Variants in KIRREL3 observed in about 807,000 individuals in gnomAD.
KIRREL3 encodes the protein kirre like nephrin family adhesion molecule 3, also known as kin of IRRE-like protein 3.
In KIRREL3, 36 loss-of-function variants were observed where a neutral mutation model predicts 89.7. The ratio of observed to expected loss-of-function variants is 0.40; its 90% CI spans 0.31 to 0.53. KIRREL3 has a LOEUF of 0.53. Ranked by LOEUF, KIRREL3 falls within the 20% of genes least tolerant of loss-of-function variation. The probability of loss-of-function intolerance (pLI) is 0.49; values close to 1 mark genes in which losing one functional copy is unlikely to be tolerated. For synonymous variants in KIRREL3, 445 were observed against 441.4 expected, an observed-to-expected ratio of 1.01 and a Z score of -0.10; for missense variants, 864 against 1,056.6, an observed-to-expected ratio of 0.82 and a Z score of 2.53.
At position 126,991,576 on chromosome 11, in the gene KIRREL3, C is replaced by T. The variant is rs1591437540; in HGVS notation, c.55+8879G>A. Among the ~76,000 whole-genome samples the T allele has an allele frequency of 6.6e-6, 1 of 152,202 alleles. No individual in the cohort carries two copies. The highest frequency in any genetic ancestry group is 2.1e-4 in the South Asian group (1 of 4,810). ...GCCCCAAAGCCTGGCCTGTTATTTC[C>T]TCTGGAAACTTTGTACCCCGAGGTA... On this transcript the variant is annotated intron_variant, in intron 1 of 16. Transcript: ENST00000525144. This position sits in a 1 kb window ranked among gnomAD's most constrained non-coding sequence, Gnocchi z 5.8.
chr11:126,979,085 A>C (rs1049607479), intron 1 of KIRREL3, among the ~76,000 whole-genome samples: 3 of 152,230 alleles, frequency 2.0e-5, no homozygotes, highest in African/African-American at 4.8e-5. Flanking sequence ...TTAAGGACAT[A>C]GAGTCCGAAT....
intron 1 of KIRREL3, among the ~76,000 whole-genome samples, chr11:126,971,713 C>G (rs1251824671): frequency 6.6e-6 from 1 of 152,152 alleles, no homozygotes; most frequent in African/African-American, 2.4e-5. Context: ...CCCAAATTAG[C>G]AAAGGGCATC....
chr11:126,789,395 T>A (rs1340658309), intron 1 of KIRREL3, among the ~76,000 whole-genome samples: 9 of 152,146 alleles, frequency 5.9e-5, no homozygotes, highest in Non-Finnish European at 1.3e-4. Context: ...CAAACCCATA[T>A]TCAATTATCC....
rs1052885368 is a variant in KIRREL3, at chr11:126,668,864, G to C, written c.56-105952C>G. ...CCCCTGGCTCTGAGTGTGCTGCTAA[G>C]AATCTATTCCTATAGGCGTTTGGTC... On this transcript the variant is annotated intron_variant, in intron 1 of 16. Coordinates refer to ENST00000525144, the MANE Select transcript of KIRREL3 (RefSeq NM_032531.4). The surrounding 1 kb of genome is among the most constrained non-coding windows in gnomAD (Gnocchi z 4.4). Among the ~76,000 whole-genome samples the C allele has an allele frequency of 6.6e-6, 1 of 151,884 alleles. No homozygotes were observed. Among genetic ancestry groups the C allele is most frequent in the East Asian group, 1.9e-4 (1 of 5,170 alleles).
chr11:126,894,376 CA>C (rs1457525943), intron 1 of KIRREL3, among the ~76,000 whole-genome samples: 1 of 151,494 alleles, frequency 6.6e-6, no homozygotes, highest in East Asian at 1.9e-4. Context: ...CTGGGGAGTC[CA>C]CAGTAGGCAG....
Position 126,530,716 on chromosome 11 carries a change from C to A in KIRREL3, c.134-4029G>T, listed in dbSNP as rs145715191. ...CTCAGTGGAGATGTGACACACCCAG[C>A]ACCTTCCACCGGCCCAGGGTTTCCA... On this transcript the variant is annotated intron_variant, in intron 2 of 16. Coordinates refer to ENST00000525144, the MANE Select transcript of KIRREL3 (RefSeq NM_032531.4). This position sits in a 1 kb window ranked among gnomAD's most constrained non-coding sequence, Gnocchi z 5.8. 1.1e-3 allele frequency among the ~76,000 whole-genome samples: 166 copies of A among 152,364 alleles called. No individual in the cohort carries two copies. Among genetic ancestry groups the A allele is most frequent in the Middle Eastern group, 3.4e-3 (1 of 294 alleles).
intron 1 of KIRREL3, among the ~76,000 whole-genome samples, chr11:126,588,477 C>T (rs1004736742): frequency 1.3e-5 from 2 of 152,088 alleles, no homozygotes; most frequent in Non-Finnish European, 2.9e-5. Context: ...GGGATAGCGA[C>T]CTGGAGGGGT....
Position 126,620,555 on chromosome 11 carries a change from A to G in KIRREL3, c.56-57643T>C, listed in dbSNP as rs902920098. On this transcript the variant is annotated intron_variant, in intron 1 of 16. Transcript: ENST00000525144. The surrounding 1 kb of genome is among the most constrained non-coding windows in gnomAD (Gnocchi z 4.8). ...GCATGTGTGTTGTGTATGCATTTCTAGGAGGAGAGTCCATAGCTCTCATTA... is the reference window on the plus strand; with the variant it reads ...GCATGTGTGTTGTGTATGCATTTCTGGGAGGAGAGTCCATAGCTCTCATTA... Among the ~76,000 whole-genome samples, 3 of 152,188 alleles carry G rather than the reference A, an allele frequency of 2.0e-5. No individual in the cohort carries two copies. The highest frequency in any genetic ancestry group is 4.8e-5 in the African/African-American group (2 of 41,446).
intron 10 of KIRREL3, among the ~76,000 whole-genome samples, chr11:126,442,342 A>G (rs1191938052): frequency 1.4e-5 from 2 of 140,412 alleles, no homozygotes; most frequent in Non-Finnish European, 3.1e-5. Context: ...ACACACACAC[A>G]CACACACACA....
At chr11:126,497,290 G>A (rs950508262) in intron 4 of KIRREL3, among the ~76,000 whole-genome samples, 7 of 151,046 alleles carry the variant, frequency 4.6e-5, no homozygotes, top group Non-Finnish European at 1.0e-4. Flanking sequence ...GTGTGTGTGT[G>A]AGAGAGAGAG....
rs1338586930 is a variant in KIRREL3 at position 126,740,754 on chromosome 11, A to G, written c.56-177842T>C. ...AAAATGGCCTGAAAGATAAATTTGT[A>G]TTTTTGCATTGCTGGGCTAAAATAT... On this transcript the variant is annotated intron_variant, in intron 1 of 16. Coordinates refer to ENST00000525144, the MANE Select transcript of KIRREL3 (RefSeq NM_032531.4). This position sits in a 1 kb window ranked among gnomAD's most constrained non-coding sequence, Gnocchi z 6.0. 6.6e-6 allele frequency among the ~76,000 whole-genome samples: 1 copy of G among 152,114 alleles called. No individual in the cohort carries two copies. Among genetic ancestry groups the G allele is most frequent in the Non-Finnish European group, 1.5e-5 (1 of 68,006 alleles).
chr11:126,890,804 G>A lies in KIRREL3; in HGVS notation c.55+109651C>T, dbSNP rs1321488767. ...CCACAGCGGCCTGCCTGTGCCCAGC[G>A]CTGCCCCAGCATCCTCCCAACCACT... On this transcript the variant is annotated intron_variant, in intron 1 of 16. Coordinates refer to ENST00000525144, the MANE Select transcript of KIRREL3 (RefSeq NM_032531.4). The surrounding 1 kb of genome is among the most constrained non-coding windows in gnomAD (Gnocchi z 5.1). 1.3e-5 allele frequency among the ~76,000 whole-genome samples: 2 copies of A among 152,184 alleles called. No homozygotes were observed. Among genetic ancestry groups the A allele is most frequent in the Non-Finnish European group, 2.9e-5 (2 of 68,034 alleles).
chr11:126,837,668 C>T lies in KIRREL3; in HGVS notation c.55+162787G>A, dbSNP rs1943826685. 6.6e-6 allele frequency among the ~76,000 whole-genome samples: 1 copy of T among 152,180 alleles called. No homozygotes were observed. The highest frequency in any genetic ancestry group is 1.5e-5 in the Non-Finnish European group (1 of 68,024). ...TCCTCTGAACTGAAGCATAGGTAGG[C>T]TAACTAAAAGTAATTTTACAAAAGA... On this transcript the variant is annotated intron_variant, in intron 1 of 16. Transcript: ENST00000525144. This position sits in a 1 kb window ranked among gnomAD's most constrained non-coding sequence, Gnocchi z 4.7.
At position 126,724,077 on chromosome 11, in the gene KIRREL3, C is replaced by G. The variant is rs1231801256; in HGVS notation, c.56-161165G>C. On this transcript the variant is annotated intron_variant, in intron 1 of 16. Coordinates refer to ENST00000525144, the MANE Select transcript of KIRREL3 (RefSeq NM_032531.4). This position sits in a 1 kb window ranked among gnomAD's most constrained non-coding sequence, Gnocchi z 4.3. Reference sequence around the variant, plus strand: ...TTGAGCCTTTTTGTCTTGCTTGGCTCTTTGTCAAAACCAAGTCTCCTTCTG... The same window carrying G: ...TTGAGCCTTTTTGTCTTGCTTGGCTGTTTGTCAAAACCAAGTCTCCTTCTG... Among the ~76,000 whole-genome samples, 1 of 152,180 alleles carries G rather than the reference C, an allele frequency of 6.6e-6. No homozygotes were observed. The highest frequency in any genetic ancestry group is 2.4e-5 in the African/African-American group (1 of 41,438).
At position 126,740,085 on chromosome 11, in the gene KIRREL3, T is replaced by C. The variant is rs1051365129; in HGVS notation, c.56-177173A>G. On this transcript the variant is annotated intron_variant, in intron 1 of 16. Coordinates refer to ENST00000525144, the MANE Select transcript of KIRREL3 (RefSeq NM_032531.4). This position sits in a 1 kb window ranked among gnomAD's most constrained non-coding sequence, Gnocchi z 6.0. Reference sequence around the variant, plus strand: ...AGCTGATTTAAAATGCAGTTTAACCTGAGGTAATTTGGCCCATTAGTTCAA... The same window carrying C: ...AGCTGATTTAAAATGCAGTTTAACCCGAGGTAATTTGGCCCATTAGTTCAA... Among the ~76,000 whole-genome samples the C allele has an allele frequency of 6.6e-6, 1 of 152,212 alleles. No homozygotes were observed. The highest frequency in any genetic ancestry group is 1.5e-5 in the Non-Finnish European group (1 of 68,040).
chr11:126,946,842 G>T lies in KIRREL3; in HGVS notation c.55+53613C>A, dbSNP rs139375953. 7.4e-4 allele frequency among the ~76,000 whole-genome samples: 113 copies of T among 152,282 alleles called. No homozygotes were observed. The highest frequency in any genetic ancestry group is 2.5e-3 in the African/African-American group (103 of 41,542). On this transcript the variant is annotated intron_variant, in intron 1 of 16. Coordinates refer to ENST00000525144, the MANE Select transcript of KIRREL3 (RefSeq NM_032531.4). The surrounding 1 kb of genome is among the most constrained non-coding windows in gnomAD (Gnocchi z 4.1). ...ATATAAGTAGATATCATTGTACATTGTTCAACCACTATTTATTGTGTAACT... is the reference window on the plus strand; with the variant it reads ...ATATAAGTAGATATCATTGTACATTTTTCAACCACTATTTATTGTGTAACT...
intron 10 of KIRREL3, among the ~76,000 whole-genome samples, chr11:126,442,313 AACACAC>A (rs71984147): frequency 0.061 from 8,292 of 136,476 alleles, 349 homozygotes; most frequent in East Asian, 0.092. Flanking sequence ...AGACACACAA[AACACAC>A]ACACACACAC....
intron 4 of KIRREL3, among the ~76,000 whole-genome samples, chr11:126,500,676 G>A (rs1957826310): frequency 6.7e-6 from 1 of 149,418 alleles, no homozygotes; most frequent in African/African-American, 2.5e-5. Context: ...GGAGGCAGAG[G>A]TTGCAGTGAG....
chr11:126,529,424 C>A (rs1958869438), intron 2 of KIRREL3, among the ~76,000 whole-genome samples: 1 of 152,040 alleles, frequency 6.6e-6, no homozygotes, highest in Non-Finnish European at 1.5e-5. Flanking sequence ...TGGAATAAGA[C>A]CTGGGGTCTG....
Sources: allele counts gnomAD v4.1 joint callset (sites outside exome capture counted in the v4.1 genomes callset), GRCh38; gene constraint gnomAD v4.1.1; non-coding constraint Gnocchi (gnomAD v3.1); transcripts MANE v1.5; gene names NCBI Gene and HGNC (gene_info 2026-07-23, HGNC 2026-07-21).